The following PKHD1 variants were observed in gnomAD, a reference collection of about 807,000 sequenced individuals.
The protein encoded by PKHD1 is fibrocystin.
In PKHD1, 291 loss-of-function variants were observed where a neutral mutation model predicts 412.0. That is an observed-to-expected ratio of 0.71 (90% confidence interval 0.64 to 0.78). The LOEUF (loss-of-function observed/expected upper bound fraction) is 0.78. PKHD1 is among the 30% of genes least tolerant of loss of function. The probability of loss-of-function intolerance (pLI) is 0.00; values close to 1 mark genes in which losing one functional copy is unlikely to be tolerated. For synonymous variants in PKHD1, 1,777 were observed against 1,821.5 expected, an observed-to-expected ratio of 0.98 and a Z score of 0.62; for missense variants, 4,825 against 4,950.7, an observed-to-expected ratio of 0.97 and a Z score of 0.76.
intron 48 of PKHD1, among the ~76,000 whole-genome samples, chr6:51,859,095 G>A (rs1773764658): frequency 6.6e-6 from 1 of 152,180 alleles, no homozygotes; most frequent in Admixed American, 6.5e-5. Flanking sequence ...CTAGTCAAGT[G>A]CTGTCAATTA....
At chr6:51,758,595 T>C (rs963561748) in intron 55 of PKHD1, among the ~76,000 whole-genome samples, 1 of 152,232 alleles carries the variant, frequency 6.6e-6, no homozygotes, top group Admixed American at 6.5e-5. Context: ...AAAACATACC[T>C]CAAATAATAA....
rs1350334203 is a variant in PKHD1, at chr6:51,887,262, G to T, written c.6997-17C>A. ...TCTGTTCCCCTACAGAAATTAAGAA[G>T]AGTTAAAAAATAGTTACCCCATGTA... On this transcript the variant is annotated splice_polypyrimidine_tract_variant and intron_variant, in intron 43 of 66. Transcript: ENST00000371117. The T allele has an allele frequency of 1.3e-6, 2 of 1,524,300 alleles. No individual in the cohort carries two copies. The highest frequency in any genetic ancestry group is 3.3e-5 in the Admixed American group (2 of 59,872). 94.4% of individuals were successfully genotyped at this position (1,524,300 alleles called of 1,614,324 possible). A position where few individuals can be genotyped will look rare whatever the true frequency, so the allele number is the denominator to read the frequency against.
intron 65 of PKHD1, among the ~76,000 whole-genome samples, chr6:51,631,335 A>G (rs1767898370): frequency 6.6e-6 from 1 of 152,180 alleles, no homozygotes; most frequent in South Asian, 2.1e-4. Flanking sequence ...TCTTCTTCAG[A>G]AAGACAAGGA....
chr6:51,893,471 T>C (rs1030766143), intron 43 of PKHD1, among the ~76,000 whole-genome samples: 6 of 152,214 alleles, frequency 3.9e-5, no homozygotes, highest in Admixed American at 3.9e-4. Flanking sequence ...TCACTTTTCT[T>C]ACAAAAGAAG....
At chr6:51,736,489 G>A (rs953137042) in intron 60 of PKHD1, among the ~76,000 whole-genome samples, 4 of 152,034 alleles carry the variant, frequency 2.6e-5, no homozygotes, top group East Asian at 1.9e-4. Context: ...TTGCAGCTGC[G>A]AATCCCAAAG....
At chr6:51,940,907 T>C (rs1262770926) in intron 36 of PKHD1, among the ~76,000 whole-genome samples, 1 of 151,490 alleles carries the variant, frequency 6.6e-6, no homozygotes, top group African/African-American at 2.4e-5. Flanking sequence ...GCACTCCTTT[T>C]TAGTTATCCC....
At chr6:51,765,678 T>G (rs944311633) in intron 55 of PKHD1, among the ~76,000 whole-genome samples, 3 of 152,136 alleles carry the variant, frequency 2.0e-5, no homozygotes, top group African/African-American at 7.2e-5. Context: ...ACCAGCATAT[T>G]TTATAATCTC....
chr6:51,636,930 A>T (rs2244619), intron 64 of PKHD1, among the ~76,000 whole-genome samples: 7,601 of 152,244 alleles, frequency 0.05, 339 homozygotes, highest in African/African-American at 0.12. Flanking sequence ...TTGAAAATTA[A>T]GAGGAATAAT....
chr6:51,997,162 A>G (rs930924373), intron 35 of PKHD1, among the ~76,000 whole-genome samples: 1 of 152,202 alleles, frequency 6.6e-6, no homozygotes, highest in Admixed American at 6.5e-5. Context: ...TAGGAAAGCA[A>G]GTAGGCCTAG....
chr6:51,666,753 T>C (rs1773870719), intron 60 of PKHD1, among the ~76,000 whole-genome samples: 1 of 145,248 alleles, frequency 6.9e-6, no homozygotes, highest in African/African-American at 2.6e-5. Flanking sequence ...GTCCATGTGT[T>C]CTCATTGTTC....
intron 43 of PKHD1, among the ~76,000 whole-genome samples, chr6:51,898,212 T>C (rs1479747073): frequency 6.6e-6 from 1 of 151,844 alleles, no homozygotes; most frequent in Non-Finnish European, 1.5e-5. Flanking sequence ...AGAATATACA[T>C]TTTTTTCAGC....
chr6:52,058,619 T>C lies in PKHD1; in HGVS notation c.1234-18A>G. 6.2e-7 allele frequency: 1 copy of C among 1,612,698 alleles called. No homozygotes were observed. Among genetic ancestry groups the C allele is most frequent in the Non-Finnish European group, 8.5e-7 (1 of 1,179,420 alleles). On this transcript the variant is annotated intron_variant, in intron 15 of 66. Coordinates refer to ENST00000371117, the MANE Select transcript of PKHD1 (RefSeq NM_138694.4). ...ACTTTCACCTATGCCCAAATAAGCA[T>C]ATCATGATCAATACTATGCAGCTTC... is the stretch of plus-strand genomic sequence containing the variant.
Position 51,870,594 on chromosome 6 carries a change from C to T in PKHD1, c.7396G>A (p.Glu2466Lys), listed in dbSNP as rs1201890233. The change falls in exon 47 of 67, where the codon GAA (glutamate) becomes AAA (lysine). Residue 2466 changes from glutamate (E) to lysine (K), a missense_variant. Transcript: ENST00000371117. ...SSGIKTPKRW[E>K]LMVSNTTFVN... The stretch of plus-strand genomic sequence containing the variant: ...AAGGTTGTGTTAGACACCATCAGTT[C>T]CCATCTTTTAGGAGTTTTAATCCCA... The T allele has an allele frequency of 1.2e-6, 2 of 1,608,476 alleles. No individual in the cohort carries two copies.
At chr6:51,696,672 T>C (rs1778835618) in intron 60 of PKHD1, among the ~76,000 whole-genome samples, 1 of 152,030 alleles carries the variant, frequency 6.6e-6, no homozygotes, top group South Asian at 2.1e-4. Context: ...CAGCTAAGGA[T>C]GGGATGAGCA....
chr6:51,910,566 C>T (rs1292247230), intron 39 of PKHD1, among the ~76,000 whole-genome samples: 5 of 152,038 alleles, frequency 3.3e-5, no homozygotes, highest in Non-Finnish European at 5.9e-5. Flanking sequence ...GTTGTATTTA[C>T]GATTTGTGAT....
intron 24 of PKHD1, among the ~76,000 whole-genome samples, chr6:52,045,505 A>C (rs1488703807): frequency 1.3e-5 from 2 of 152,198 alleles, no homozygotes; most frequent in Non-Finnish European, 1.5e-5. Context: ...ATAACCCACA[A>C]CACCATACAA....
chr6:51,953,892 T>A (rs967237585), intron 36 of PKHD1, among the ~76,000 whole-genome samples: 1 of 152,030 alleles, frequency 6.6e-6, no homozygotes, highest in African/African-American at 2.4e-5. Context: ...ACAAGGAGAA[T>A]GCCGGCAAGC....
chr6:51,786,162 G>T (rs1339637437), intron 53 of PKHD1, among the ~76,000 whole-genome samples: 1 of 152,054 alleles, frequency 6.6e-6, no homozygotes, highest in Non-Finnish European at 1.5e-5. Flanking sequence ...GATGGAAAGG[G>T]CACTCATTCC....
At chr6:52,036,612 C>A (rs550068226) in intron 27 of PKHD1, among the ~76,000 whole-genome samples, 2 of 152,292 alleles carry the variant, frequency 1.3e-5, no homozygotes, top group African/African-American at 4.8e-5. Flanking sequence ...TCTACAAAAT[C>A]TGATGAAAAC....
Sources: gnomAD v4.1 joint callset for allele counts (sites outside exome capture counted in the v4.1 genomes callset) on GRCh38, gnomAD v4.1.1 for gene constraint, MANE v1.5 for transcripts, NCBI Gene and HGNC (gene_info 2026-07-23, HGNC 2026-07-21) for gene names.